Variants in SOX5 observed in about 807,000 individuals in gnomAD.
The protein encoded by SOX5 is SRY-box transcription factor 5, also known as transcription factor SOX-5.
SOX5 carries 9 observed loss-of-function variants against 92.0 expected under a neutral mutation model. The ratio of observed to expected loss-of-function variants is 0.10; its 90% CI spans 0.06 to 0.17. The LOEUF (loss-of-function observed/expected upper bound fraction) is 0.17, where lower values mean the gene tolerates loss of function less well. SOX5 is among the 10% of genes least tolerant of loss of function. The probability of loss-of-function intolerance (pLI) is 1.00; values close to 1 mark genes in which losing one functional copy is unlikely to be tolerated. For missense variants in SOX5, 642 were observed against 944.5 expected (o/e 0.68, Z 4.20); for synonymous variants, 344 against 336.3 (o/e 1.02, Z -0.25).
chr12:24,537,212 G>T, intron 1 of SOX5, among the ~76,000 whole-genome samples: 1 of 152,112 alleles, frequency 6.6e-6, no homozygotes, highest in East Asian at 1.9e-4. Context: ...ATGATGAAAA[G>T]TAACAGAATT....
intron 1 of SOX5, among the ~76,000 whole-genome samples, chr12:23,897,579 GTTTA>G (rs957467528): frequency 1.3e-5 from 2 of 152,108 alleles, no homozygotes; most frequent in Non-Finnish European, 2.9e-5. Context: ...AATAGCCCGT[GTTTA>G]TTTAACAGAC....
At chr12:23,736,884 G>A (rs906316650) in intron 5 of SOX5, among the ~76,000 whole-genome samples, 3 of 151,594 alleles carry the variant, frequency 2.0e-5, no homozygotes, top group Middle Eastern at 3.2e-3. Context: ...CTAGAGACAC[G>A]GTTTCACCAT....
At chr12:24,096,340 A>T (rs1945414546) in intron 4 of SOX5, among the ~76,000 whole-genome samples, 2 of 152,200 alleles carry the variant, frequency 1.3e-5, no homozygotes, top group South Asian at 4.1e-4. Context: ...CTATTTTAAA[A>T]TGTACAATTC....
At chr12:23,852,231 T>A (rs1243734227) in intron 2 of SOX5, among the ~76,000 whole-genome samples, 1 of 152,144 alleles carries the variant, frequency 6.6e-6, no homozygotes, top group African/African-American at 2.4e-5. Context: ...ACTAATGAGT[T>A]CTAATTTTTT....
At chr12:24,174,084 G>A (rs140214781) in intron 4 of SOX5, among the ~76,000 whole-genome samples, 104 of 151,756 alleles carry the variant, frequency 6.9e-4, no homozygotes, top group Non-Finnish European at 1.1e-3. Flanking sequence ...TGCAACCTAC[G>A]CCTCCTGGGT....
chr12:23,756,230 G>C (rs201776536), intron 3 of SOX5, among the ~76,000 whole-genome samples: 9 of 141,266 alleles, frequency 6.4e-5, no homozygotes, highest in African/African-American at 2.3e-4. Context: ...CCAGTACTGC[G>C]AACATAAAAA....
chr12:24,331,848 C>CAAAAAAAAAAAAAA (rs10627494), intron 2 of SOX5, among the ~76,000 whole-genome samples: 5 of 31,658 alleles, frequency 1.6e-4, no homozygotes, highest in Non-Finnish European at 2.1e-4. Flanking sequence ...AAGACTGTCT[C>CAAAAAAAAAAAAAA]AAAAAAAAAA....
intron 4 of SOX5, among the ~76,000 whole-genome samples, chr12:24,168,504 T>C (rs977020289): frequency 1.4e-4 from 22 of 152,342 alleles, no homozygotes; most frequent in Non-Finnish European, 4.4e-5. Flanking sequence ...GCTGCTTTTA[T>C]TTTTTATTTA....
At chr12:23,839,742 C>A (rs2096488120) in intron 3 of SOX5, among the ~76,000 whole-genome samples, 1 of 150,446 alleles carries the variant, frequency 6.6e-6, no homozygotes, top group Non-Finnish European at 1.5e-5. Flanking sequence ...TCAATAGATG[C>A]AGAAAAATAT....
intron 1 of SOX5, among the ~76,000 whole-genome samples, chr12:24,556,398 G>A (rs1953785370): frequency 6.6e-6 from 1 of 152,194 alleles, no homozygotes; most frequent in Non-Finnish European, 1.5e-5. Flanking sequence ...GCAATGGTAT[G>A]TTTATGGTGC....
rs561988389 is a variant in SOX5, at chr12:23,779,197, C to A, written c.482-23473G>T. Among the ~76,000 whole-genome samples, 6 of 152,072 alleles carry A rather than the reference C, an allele frequency of 3.9e-5. No individual in the cohort carries two copies. The East Asian group carries it at 1.2e-3, about 29-fold the overall frequency. ...TTTAGCAATACTCACCTAATGTAGG[C>A]CTTAAAAATGCTATTTTGAGAAATG... On this transcript the variant is annotated intron_variant, in intron 3 of 14. Coordinates refer to ENST00000451604, the MANE Select transcript of SOX5 (RefSeq NM_006940.6).
intron 4 of SOX5, among the ~76,000 whole-genome samples, chr12:24,022,271 T>C (rs149044772): frequency 2.7e-4 from 41 of 152,218 alleles, no homozygotes; most frequent in African/African-American, 9.6e-4. Context: ...CAAGTTGAAC[T>C]TGATGAAAAG....
At chr12:24,108,799 C>A (rs1398404622) in intron 4 of SOX5, among the ~76,000 whole-genome samples, 1 of 152,100 alleles carries the variant, frequency 6.6e-6, no homozygotes, top group African/African-American at 2.4e-5. Flanking sequence ...TCAAATGATA[C>A]CTTTCTCAGA....
At chr12:23,939,803 T>G in intron 1 of SOX5, among the ~76,000 whole-genome samples, 1 of 151,086 alleles carries the variant, frequency 6.6e-6, no homozygotes, top group Middle Eastern at 3.2e-3. Context: ...TTGCAGAGTT[T>G]AACATTTCTT....
Position 23,960,032 on chromosome 12 carries a change from G to A in SOX5, c.-1-64008C>T, listed in dbSNP as rs189640989. Among the ~76,000 whole-genome samples, 17 of 152,120 alleles carry A rather than the reference G, an allele frequency of 1.1e-4. 1 individual carries two copies. The highest frequency in any genetic ancestry group is 7.2e-4 in the Admixed American group (11 of 15,282). ...AATGCAGTATGTTAATGTTTGATTT[G>A]GCTCAGCCACCTTCTCTTATTCTTG... is the stretch of plus-strand genomic sequence containing the variant. On this transcript the variant is annotated intron_variant, in intron 4 of 4. Transcript: ENST00000446891.
chr12:23,581,539 A>G (rs1950036751), intron 9 of SOX5, among the ~76,000 whole-genome samples: 2 of 152,098 alleles, frequency 1.3e-5, no homozygotes, highest in South Asian at 2.1e-4. Context: ...TATTTATACC[A>G]GTCTAAAGGC....
rs1593361515 is a variant in SOX5 at position 23,695,334 on chromosome 12, T to C, written c.811-29770A>G. On this transcript the variant is annotated intron_variant, in intron 6 of 14. Coordinates refer to ENST00000451604, the MANE Select transcript of SOX5 (RefSeq NM_006940.6). Reference sequence around the variant, plus strand: ...TTCCATAAAAATTTTGGAATTGGCTTGTCAATTACAAAGTACAATGATGAA... The same window carrying C: ...TTCCATAAAAATTTTGGAATTGGCTCGTCAATTACAAAGTACAATGATGAA... Among the ~76,000 whole-genome samples, 3 of 152,276 alleles carry C rather than the reference T, an allele frequency of 2.0e-5. No homozygotes were observed. The South Asian group carries it at 6.2e-4, about 32-fold the overall frequency.
chr12:24,226,621 C>T (rs981478673), intron 3 of SOX5, among the ~76,000 whole-genome samples: 3 of 152,118 alleles, frequency 2.0e-5, no homozygotes, highest in Admixed American at 6.5e-5. Context: ...CACGCACCCG[C>T]CACCACGCCC....
chr12:24,162,703 T>C (rs974467767), intron 4 of SOX5, among the ~76,000 whole-genome samples: 1 of 152,108 alleles, frequency 6.6e-6, no homozygotes, highest in Non-Finnish European at 1.5e-5. Context: ...AAAGGACATA[T>C]ATTGTTTTGG....
Sources: gnomAD v4.1 joint callset for allele counts (sites outside exome capture counted in the v4.1 genomes callset) on GRCh38, gnomAD v4.1.1 for gene constraint, MANE v1.5 for transcripts, NCBI Gene and HGNC (gene_info 2026-07-23, HGNC 2026-07-21) for gene names.